Variants in SLC28A2 observed in about 807,000 individuals in gnomAD.
SLC28A2 encodes the protein sodium/nucleoside cotransporter 2.
SLC28A2 carries 69 observed loss-of-function variants against 72.9 expected under a neutral mutation model. The observed-to-expected ratio is 0.95, with a 90% CI of 0.78 to 1.16. The LOEUF (loss-of-function observed/expected upper bound fraction) is 1.16. Among genes scored for constraint, SLC28A2 ranks in the 50% most tolerant of loss-of-function variants. SLC28A2 has a pLI of 0.00. For synonymous variants in SLC28A2, 296 were observed against 294.1 expected (o/e 1.01, Z -0.07); for missense variants, 745 against 791.1 (o/e 0.94, Z 0.70).
intron 10 of SLC28A2, among the ~76,000 whole-genome samples, chr15:45,266,592 C>G (rs1435718672): frequency 2.0e-5 from 3 of 152,178 alleles, no homozygotes; most frequent in African/African-American, 4.8e-5. Context: ...CCCCATAATA[C>G]TTGCTTGGTA....
chr15:45,268,219 G>A lies in SLC28A2; in HGVS notation c.1209G>A (p.Arg403=). The change falls in exon 13 of 18, where the codon AGG becomes AGA. Residue 403 remains arginine, a synonymous_variant. Transcript: ENST00000347644. ...TGCCCAATAACCACAGGAAGGAGAG[G>A]AATGTCCTGGAAGCTGCCAGCAACG... ...EGVKLPRGKE[R]NVLEAASNGA... The A allele has an allele frequency of 6.2e-7, 1 of 1,602,236 alleles. No homozygotes were observed.
intron 10 of SLC28A2, 73 bp from the exon 11 acceptor site, chr15:45,267,382 G>A: frequency 6.4e-7 from 1 of 1,564,722 alleles, no homozygotes; most frequent in Non-Finnish European, 8.8e-7. Flanking sequence ...TCCAGCCCCT[G>A]GGGCTGGGGT....
intron 17 of SLC28A2, among the ~76,000 whole-genome samples, chr15:45,274,315 A>G (rs559935880): frequency 1.3e-5 from 2 of 152,222 alleles, no homozygotes; most frequent in East Asian, 3.9e-4. Context: ...CCTGGGCAAC[A>G]TGGCGAAACC....
Position 45,268,385 on chromosome 15 carries a change from G to A in SLC28A2, c.1368+7G>A. The A allele has an allele frequency of 6.3e-7, 1 of 1,579,082 alleles. No homozygotes were observed. The highest frequency in any genetic ancestry group is 8.7e-7 in the Non-Finnish European group (1 of 1,153,220). ...ACAGGGGCTCACTTTCCAGGTAAAG[G>A]ATTACATTTGTTGGGCTGTCCCTCT... On this transcript the variant is annotated splice_region_variant and intron_variant, in intron 13 of 17. Transcript: ENST00000347644.
At chr15:45,267,620 G>T (rs773765649) in intron 11 of SLC28A2, 40 bp downstream of exon 11, 2 of 1,614,048 alleles carry the variant, frequency 1.2e-6, no homozygotes, top group East Asian at 2.2e-5. Flanking sequence ...GTGAACTCGA[G>T]TTGGGTTTGA....
At chr15:45,254,665 T>C (rs1489767083) in intron 3 of SLC28A2, among the ~76,000 whole-genome samples, 1 of 152,228 alleles carries the variant, frequency 6.6e-6, no homozygotes, top group Admixed American at 6.5e-5. Flanking sequence ...TGACTATATA[T>C]GGAGATGATT....
chr15:45,268,018 A>G (rs552536573), intron 12 of SLC28A2, among the ~76,000 whole-genome samples, 192 bp from the exon 13 acceptor site: 1 of 152,274 alleles, frequency 6.6e-6, no homozygotes, highest in South Asian at 2.1e-4. Context: ...CCATCCATGC[A>G]ATTACATGAC....
intron 3 of SLC28A2, 90 bp from the exon 4 acceptor site, chr15:45,261,924 GC>G: frequency 1.2e-6 from 1 of 847,252 alleles, no homozygotes; most frequent in South Asian, 1.4e-5. Flanking sequence ...AGCTAATTCT[GC>G]CTTGTGTTAG....
At position 45,269,471 on chromosome 15, in the gene SLC28A2, A is replaced by G; in HGVS notation, c.1502A>G (p.Gln501Arg). The change falls in exon 14 of 18, where the codon CAA becomes CGA. Residue 501 changes from glutamine (Q) to arginine (R), a missense_variant. Physicochemically the swap from Gln to Arg is conservative, Grantham distance 43. Transcript: ENST00000347644. The part of the protein sequence containing the change: ...NEFVAYQQLS[Q>R]YKNKRLSGME... ...TTTGTGGCTTATCAGCAACTGTCTC[A>G]ATACAAGAACAAACGTCTCTCTGGA... 1 of 1,614,186 alleles carries G rather than the reference A, an allele frequency of 6.2e-7. No individual in the cohort carries two copies. The highest frequency in any genetic ancestry group is 1.6e-4 in the Middle Eastern group (1 of 6,062).
intron 12 of SLC28A2, 112 bp from the exon 13 acceptor site, chr15:45,268,098 A>G (rs2140576015): frequency 9.9e-7 from 1 of 1,005,940 alleles, no homozygotes; most frequent in Non-Finnish European, 1.5e-6. Context: ...GTCACCTTCT[A>G]CATTGGCCTT....
rs1391483379 is a variant in SLC28A2, at chr15:45,265,547, G to GT, written c.781-35dup. On this transcript the variant is annotated intron_variant, in intron 8 of 17. Transcript: ENST00000347644. ...AAGCCTAAAACACAGAGTATGCAAT[G>GT]TAACATCTCACCACCTGCTACCATT... 2.1e-6 allele frequency: 3 copies of GT among 1,433,634 alleles called. No individual in the cohort carries two copies. The African/African-American group carries it at 4.2e-5, about 20-fold the overall frequency. 88.8% of individuals were successfully genotyped at this position (1,433,634 alleles called of 1,614,324 possible). A position where few individuals can be genotyped will look rare whatever the true frequency, so the allele number is the denominator to read the frequency against.
At chr15:45,271,577 A>AAAGGAAGGAAGG (rs145309707) in intron 15 of SLC28A2, among the ~76,000 whole-genome samples, 15,456 of 130,164 alleles carry the variant, frequency 0.12, 1,130 homozygotes, top group Middle Eastern at 0.15. Flanking sequence ...AAAAAGAAGA[A>AAAGGAAGGAAGG]AAGGAAGGAA....
chr15:45,269,938 TC>T (rs1900493509), intron 14 of SLC28A2, among the ~76,000 whole-genome samples: 1 of 152,208 alleles, frequency 6.6e-6, no homozygotes. Flanking sequence ...TCCTTCGCAA[TC>T]CTTCTCATTC....
rs1038984700 is a variant in SLC28A2, at chr15:45,277,240, T to C, written c.*1727T>C. On this transcript the variant is annotated 3_prime_UTR_variant, in exon 18 of 18. Transcript: ENST00000347644. ...AATATTATTTATTATATTAATATTA[T>C]AGCCTTAAGGAAGGGTTTCAAAAGG... is the stretch of plus-strand genomic sequence containing the variant. 4.7e-5 allele frequency: 7 copies of C among 149,748 alleles called. No individual in the cohort carries two copies. Among genetic ancestry groups the C allele is most frequent in the African/African-American group, 1.5e-4 (6 of 41,038 alleles). 9.3% of individuals were successfully genotyped at this position (149,748 alleles called of 1,614,324 possible).
rs1283185061 is a variant in SLC28A2 at position 45,263,252 on chromosome 15, A to G, written c.446+8A>G. On this transcript the variant is annotated splice_region_variant and intron_variant, in intron 5 of 17. Coordinates refer to ENST00000347644, the MANE Select transcript of SLC28A2 (RefSeq NM_004212.4). Reference sequence around the variant, plus strand: ...GAGGCTTTGGACGAAATGGTAAGATAAGAATCTCAATACCTGGCCTCACAG... The same window carrying G: ...GAGGCTTTGGACGAAATGGTAAGATGAGAATCTCAATACCTGGCCTCACAG... 2 of 1,612,286 alleles carry G rather than the reference A, an allele frequency of 1.2e-6. No individual in the cohort carries two copies. The highest frequency in any genetic ancestry group is 1.3e-5 in the African/African-American group (1 of 74,760).
chr15:45,253,141 C>T, intron 1 of SLC28A2, 59 bp from the exon 2 acceptor site: 1 of 1,135,778 alleles, frequency 8.8e-7, no homozygotes, highest in East Asian at 2.4e-5. Context: ...AAAATTCTCC[C>T]CATCCCCACA....
intron 10 of SLC28A2, 90 bp from the exon 11 acceptor site, chr15:45,267,365 T>C (rs936814725): frequency 2.9e-6 from 4 of 1,383,050 alleles, no homozygotes; most frequent in Non-Finnish European, 4.1e-6. Context: ...GATGTGTATC[T>C]AGTGGGTCCA....
rs558247633 is a variant in SLC28A2, at chr15:45,272,397, G to C, written c.1747+4G>C. 1 of 1,608,622 alleles carries C rather than the reference G, an allele frequency of 6.2e-7. No homozygotes were observed. The highest frequency in any genetic ancestry group is 1.3e-5 in the African/African-American group (1 of 74,920). ...CTTATCAGTGCCTGTATGGCAGGTA[G>C]GTGCCTCAGCTCTGATGGAGATACT... On this transcript the variant is annotated splice_donor_region_variant and intron_variant, in intron 16 of 17. Coordinates refer to ENST00000347644, the MANE Select transcript of SLC28A2 (RefSeq NM_004212.4).
At chr15:45,265,025 G>A (rs147106688) in intron 7 of SLC28A2, 64 bp from the exon 8 acceptor site, 110 of 1,314,686 alleles carry the variant, frequency 8.4e-5, no homozygotes, top group African/African-American at 5.7e-4. Flanking sequence ...GGCTGGTCTC[G>A]TCTTCCTGTG....
Sources: allele counts gnomAD v4.1 joint callset (sites outside exome capture counted in the v4.1 genomes callset), GRCh38; gene constraint gnomAD v4.1.1; transcripts MANE v1.5; gene names NCBI Gene and HGNC (gene_info 2026-07-23, HGNC 2026-07-21).